The following SSBP2 variants were observed in gnomAD, a reference collection of about 807,000 sequenced individuals.
The protein encoded by SSBP2 is single stranded DNA binding protein 2.
In SSBP2, 17 loss-of-function variants were observed where a neutral mutation model predicts 61.8. The ratio of observed to expected loss-of-function variants is 0.28; its 90% confidence interval spans 0.19 to 0.41. The LOEUF (loss-of-function observed/expected upper bound fraction) is 0.41, where lower values mean the gene tolerates loss of function less well. SSBP2 is among the 10% of genes least tolerant of loss of function. The pLI, the probability that SSBP2 is intolerant of heterozygous loss-of-function variation, is 1.00. For synonymous variants in SSBP2, 139 were observed against 141.3 expected, an observed-to-expected ratio of 0.98 and a Z score of 0.12; for missense variants, 310 against 458.7, an observed-to-expected ratio of 0.68 and a Z score of 2.96.
Position 81,501,859 on chromosome 5 carries a change from T to A in SSBP2, c.372+11769A>T, listed in dbSNP as rs59226512. ...ATTACAGACGTGAGCCACTGCGCCC[T>A]GCCCCCTGGTGTTGTTTCTTGTACT... On this transcript the variant is annotated intron_variant, in intron 5 of 16. Coordinates refer to ENST00000320672, the MANE Select transcript of SSBP2 (RefSeq NM_012446.5). 3.3e-3 allele frequency among the ~76,000 whole-genome samples: 499 copies of A among 152,130 alleles called. 1 individual carries two copies. Among genetic ancestry groups the A allele is most frequent in the African/African-American group, 0.011 (462 of 41,526 alleles).
chr5:81,459,170 G>T (rs73766251), intron 10 of SSBP2, among the ~76,000 whole-genome samples: 4,203 of 152,222 alleles, frequency 0.028, 189 homozygotes, highest in African/African-American at 0.095. Context: ...AACTGCTAGT[G>T]TGTTATAGCG....
At chr5:81,661,942 A>G (rs780625895) in intron 1 of SSBP2, among the ~76,000 whole-genome samples, 22 of 152,106 alleles carry the variant, frequency 1.4e-4, no homozygotes, top group Non-Finnish European at 2.9e-4. Context: ...CTTTTCACCT[A>G]TGTTTTCTTC....
At chr5:81,556,841 TC>T (rs765586778) in intron 4 of SSBP2, among the ~76,000 whole-genome samples, 2 of 152,202 alleles carry the variant, frequency 1.3e-5, no homozygotes, top group Non-Finnish European at 2.9e-5. Context: ...TTTTTCATTA[TC>T]ATATAACAAT....
chr5:81,526,357 A>G (rs529301901), intron 4 of SSBP2, among the ~76,000 whole-genome samples: 1 of 152,116 alleles, frequency 6.6e-6, no homozygotes, highest in East Asian at 1.9e-4. Flanking sequence ...TTATTTCACT[A>G]TCTCATAGTT....
chr5:81,579,812 C>G (rs1774508564), intron 4 of SSBP2, among the ~76,000 whole-genome samples: 3 of 152,098 alleles, frequency 2.0e-5, no homozygotes, highest in Non-Finnish European at 4.4e-5. Context: ...CTGTCTGGAC[C>G]AGCTGCCAAT....
In SSBP2 at chr5:81,500,274, C is replaced by T. The variant is rs555759462; in HGVS notation, c.373-10965G>A. ...TGTTGCCCAGGCTGGAGTACAGTGG[C>T]GCTATCTCGCCTCACTACAACCTCC... On this transcript the variant is annotated intron_variant, in intron 5 of 16. Coordinates refer to ENST00000320672, the MANE Select transcript of SSBP2 (RefSeq NM_012446.5). 1.1e-4 allele frequency among the ~76,000 whole-genome samples: 17 copies of T among 152,084 alleles called. No homozygotes were observed. In the South Asian group the frequency reaches 2.9e-3, roughly 26 times the overall value.
intron 1 of SSBP2, among the ~76,000 whole-genome samples, chr5:81,661,581 G>T (rs1281794399): frequency 6.6e-6 from 1 of 151,266 alleles, no homozygotes; most frequent in Non-Finnish European, 1.5e-5. Flanking sequence ...GTTTTAATTT[G>T]CATTTCTCTG....
At chr5:81,460,790 A>G (rs1156872087) in intron 10 of SSBP2, among the ~76,000 whole-genome samples, 1 of 152,168 alleles carries the variant, frequency 6.6e-6, no homozygotes, top group Admixed American at 6.5e-5. Flanking sequence ...GTATATACTT[A>G]AGTCACACTA....
intron 4 of SSBP2, among the ~76,000 whole-genome samples, chr5:81,530,829 G>A (rs1456176505): frequency 6.6e-6 from 1 of 152,080 alleles, no homozygotes; most frequent in South Asian, 2.1e-4. Context: ...TAAACATACA[G>A]AATCATAATT....
intron 1 of SSBP2, among the ~76,000 whole-genome samples, chr5:81,737,800 A>C (rs1331107325): frequency 2.0e-5 from 3 of 151,446 alleles, no homozygotes; most frequent in South Asian, 4.2e-4. Flanking sequence ...AAAAAAAAAA[A>C]AAACAAAAAA....
At chr5:81,680,236 C>T (rs1752285298) in intron 1 of SSBP2, among the ~76,000 whole-genome samples, 2 of 150,592 alleles carry the variant, frequency 1.3e-5, no homozygotes, top group African/African-American at 4.9e-5. Context: ...TGGGACTTAG[C>T]CTCCATAATC....
chr5:81,751,218 C>T, upstream of SSBP2: 1 of 663,838 alleles, frequency 1.5e-6, no homozygotes, highest in Non-Finnish European at 2.6e-6. Context: ...CTCCCCCTCC[C>T]TCTGGCCTTC....
chr5:81,628,824 T>C (rs1747427043), intron 3 of SSBP2, among the ~76,000 whole-genome samples: 1 of 152,190 alleles, frequency 6.6e-6, no homozygotes, highest in Admixed American at 6.5e-5. Context: ...AAATTCCCCC[T>C]CTTCCATTCT....
intron 4 of SSBP2, among the ~76,000 whole-genome samples, chr5:81,560,227 T>G (rs906891249): frequency 6.6e-6 from 1 of 152,200 alleles, no homozygotes; most frequent in Non-Finnish European, 1.5e-5. Flanking sequence ...AAAAAGATTG[T>G]GTTCAAATTT....
chr5:81,663,519 A>T (rs1293881381), intron 1 of SSBP2, among the ~76,000 whole-genome samples: 2 of 152,062 alleles, frequency 1.3e-5, no homozygotes, highest in Non-Finnish European at 2.9e-5. Context: ...TATTCACAAA[A>T]CTTTTCAGAA....
chr5:81,714,926 C>A (rs1321335959), intron 1 of SSBP2, among the ~76,000 whole-genome samples: 1 of 151,386 alleles, frequency 6.6e-6, no homozygotes, highest in African/African-American at 2.4e-5. Flanking sequence ...AGTGAAAGAA[C>A]TGGATTTTTT....
intron 4 of SSBP2, among the ~76,000 whole-genome samples, chr5:81,598,850 T>A (rs1307320375): frequency 1.3e-5 from 2 of 152,186 alleles, no homozygotes; most frequent in Admixed American, 1.3e-4. Context: ...GCATACTTAG[T>A]CTTCATTCTA....
At chr5:81,591,892 T>C (rs111583316) in intron 4 of SSBP2, among the ~76,000 whole-genome samples, 13 of 152,326 alleles carry the variant, frequency 8.5e-5, no homozygotes, top group African/African-American at 2.9e-4. Context: ...CTCCAGTCTA[T>C]AGCTCCCAGT....
At chr5:81,431,787 T>C (rs1276866434) in intron 15 of SSBP2, among the ~76,000 whole-genome samples, 1 of 152,128 alleles carries the variant, frequency 6.6e-6, no homozygotes, top group Admixed American at 6.5e-5. Flanking sequence ...GATCTCACTA[T>C]GTTGCTCAGG....
Sources: allele counts gnomAD v4.1 joint callset (sites outside exome capture counted in the v4.1 genomes callset), GRCh38; gene constraint gnomAD v4.1.1; transcripts MANE v1.5; gene names NCBI Gene and HGNC (gene_info 2026-07-23, HGNC 2026-07-21).